The following LRRC4C variants were observed in gnomAD, a reference collection of about 807,000 sequenced individuals.
LRRC4C encodes leucine rich repeat containing 4C, also known as leucine-rich repeat-containing protein 4C.
In LRRC4C, 5 loss-of-function variants were observed where a neutral mutation model predicts 33.6. That is an observed-to-expected ratio of 0.15 (90% CI 0.08 to 0.31). LRRC4C has a LOEUF of 0.31. LRRC4C is among the 10% of genes least tolerant of loss of function. The probability of loss-of-function intolerance (pLI) is 1.00; values close to 1 mark genes in which losing one functional copy is unlikely to be tolerated. For synonymous variants in LRRC4C, 329 were observed against 302.0 expected (o/e 1.09, Z -0.93); for missense variants, 560 against 796.7 (o/e 0.70, Z 3.58).
intron 3 of LRRC4C, among the ~76,000 whole-genome samples, chr11:40,518,305 T>G (rs912140633): frequency 6.6e-6 from 1 of 152,014 alleles, no homozygotes; most frequent in Non-Finnish European, 1.5e-5. Flanking sequence ...AAAGAAACTA[T>G]CATCAGAGTG....
At chr11:40,744,283 C>A (rs1329245564) in intron 2 of LRRC4C, among the ~76,000 whole-genome samples, 5 of 152,026 alleles carry the variant, frequency 3.3e-5, no homozygotes, top group Admixed American at 3.3e-4. Flanking sequence ...GTGTGGGAGT[C>A]ATTTTAGACA....
intron 2 of LRRC4C, among the ~76,000 whole-genome samples, chr11:40,675,568 G>T (rs1053051310): frequency 6.6e-6 from 1 of 152,116 alleles, no homozygotes; most frequent in African/African-American, 2.4e-5. Context: ...CCCTCTCACA[G>T]CACTTTTATA....
intron 6 of LRRC4C, among the ~76,000 whole-genome samples, chr11:40,118,052 ATAG>A (rs549559669): frequency 1.0e-3 from 155 of 148,820 alleles, no homozygotes; most frequent in Middle Eastern, 7.1e-3. Context: ...TTCATTATAA[ATAG>A]TAGTAATCAT....
At chr11:41,084,258 G>C (rs10837567) in intron 1 of LRRC4C, among the ~76,000 whole-genome samples, 43,854 of 151,968 alleles carry the variant, frequency 0.29, 6,614 homozygotes, top group Admixed American at 0.35. Context: ...GAGTAAGAGA[G>C]AGCTGGTTTC....
At chr11:40,429,741 GAA>G (rs761818681) in intron 3 of LRRC4C, among the ~76,000 whole-genome samples, 8 of 152,002 alleles carry the variant, frequency 5.3e-5, no homozygotes, top group Non-Finnish European at 8.8e-5. Context: ...TTAAAGATAA[GAA>G]AAAGTTTATA....
chr11:40,413,814 T>C (rs1159265717), intron 3 of LRRC4C, among the ~76,000 whole-genome samples: 1 of 152,138 alleles, frequency 6.6e-6, no homozygotes, highest in African/African-American at 2.4e-5. Context: ...TATGTTCGTC[T>C]TCTTTATCAT....
At position 40,586,623 on chromosome 11, in the gene LRRC4C, C is replaced by G. The variant is rs796286854; in HGVS notation, c.-270+61519G>C. Among the ~76,000 whole-genome samples, 7 of 149,324 alleles carry G rather than the reference C, an allele frequency of 4.7e-5. No individual in the cohort carries two copies. The South Asian group carries it at 1.5e-3, about 33-fold the overall frequency. ...ATGGTTTTAGGTCTAACATTTAAGT[C>G]TTTAATCCATCTTGAATTGATTTTT... On this transcript the variant is annotated intron_variant, in intron 3 of 6. Coordinates refer to ENST00000528697, the MANE Select transcript of LRRC4C (RefSeq NM_001258419.2).
At chr11:40,191,938 TGACA>T (rs1312184933) in intron 5 of LRRC4C, among the ~76,000 whole-genome samples, 1 of 152,096 alleles carries the variant, frequency 6.6e-6, no homozygotes, top group East Asian at 1.9e-4. Flanking sequence ...CCACCCTGGG[TGACA>T]GAGTGAGACC....
At chr11:41,201,241 G>GT (rs1477507530) in intron 1 of LRRC4C, among the ~76,000 whole-genome samples, 3 of 152,172 alleles carry the variant, frequency 2.0e-5, no homozygotes, top group African/African-American at 7.2e-5. Context: ...GACATGTGCA[G>GT]TGTACGAGTC....
chr11:40,268,607 A>G (rs1181221730), intron 4 of LRRC4C, among the ~76,000 whole-genome samples: 2 of 152,172 alleles, frequency 1.3e-5, no homozygotes, highest in African/African-American at 2.4e-5. Flanking sequence ...CATAATTTTC[A>G]GAGACTGGAT....
intron 3 of LRRC4C, among the ~76,000 whole-genome samples, chr11:40,341,561 T>C (rs1303179687): frequency 6.6e-6 from 1 of 151,870 alleles, no homozygotes; most frequent in African/African-American, 2.4e-5. Flanking sequence ...GGGGGAGGGA[T>C]AGCATTAGGA....
At chr11:40,311,964 A>G (rs1456962171) in intron 4 of LRRC4C, among the ~76,000 whole-genome samples, 1 of 150,922 alleles carries the variant, frequency 6.6e-6, no homozygotes, top group Non-Finnish European at 1.5e-5. Context: ...AAAAAAAAAA[A>G]GTACTTTTCC....
intron 4 of LRRC4C, among the ~76,000 whole-genome samples, chr11:40,303,005 G>T (rs765455220): frequency 4.6e-5 from 7 of 152,114 alleles, no homozygotes; most frequent in Non-Finnish European, 1.0e-4. Context: ...CCATATAACA[G>T]CCACATCAAG....
At chr11:40,199,977 A>G (rs1333351051) in intron 5 of LRRC4C, among the ~76,000 whole-genome samples, 2 of 151,916 alleles carry the variant, frequency 1.3e-5, no homozygotes, top group Non-Finnish European at 2.9e-5. Context: ...AAAACTCGGA[A>G]CTCAGGACCA....
chr11:41,153,250 C>T (rs1356880163), intron 1 of LRRC4C, among the ~76,000 whole-genome samples: 1 of 152,094 alleles, frequency 6.6e-6, no homozygotes, highest in Non-Finnish European at 1.5e-5. Context: ...GCCATAGCCT[C>T]AGTTACTAGA....
chr11:40,566,438 G>A (rs1957772263), intron 3 of LRRC4C, among the ~76,000 whole-genome samples: 1 of 151,994 alleles, frequency 6.6e-6, no homozygotes, highest in Non-Finnish European at 1.5e-5. Flanking sequence ...AGTAGATAAT[G>A]TCATATAATC....
chr11:41,236,647 A>T (rs1489255356), intron 1 of LRRC4C, among the ~76,000 whole-genome samples: 1 of 151,914 alleles, frequency 6.6e-6, no homozygotes, highest in Non-Finnish European at 1.5e-5. Flanking sequence ...AATTTTGGTA[A>T]TTTTTTGATG....
intron 3 of LRRC4C, among the ~76,000 whole-genome samples, chr11:40,498,210 TA>T (rs1361784247): frequency 1.3e-5 from 2 of 152,232 alleles, no homozygotes; most frequent in African/African-American, 4.8e-5. Context: ...AGTTGCCCCC[TA>T]AATAATATGT....
intron 1 of LRRC4C, among the ~76,000 whole-genome samples, chr11:41,000,291 T>A (rs1361857944): frequency 6.6e-6 from 1 of 152,136 alleles, no homozygotes; most frequent in East Asian, 1.9e-4. Flanking sequence ...ATGCGGAGAA[T>A]GAAAAGATTT....
Sources: allele counts gnomAD v4.1 joint callset (sites outside exome capture counted in the v4.1 genomes callset), GRCh38; gene constraint gnomAD v4.1.1; transcripts MANE v1.5; gene names NCBI Gene and HGNC (gene_info 2026-07-23, HGNC 2026-07-21).